The following IL6ST variants were observed in gnomAD, a reference collection of about 807,000 sequenced individuals.
The protein encoded by IL6ST is interleukin-6 receptor subunit beta.
In IL6ST, 24 loss-of-function variants were observed where a neutral mutation model predicts 91.3. The observed-to-expected ratio is 0.26, with a 90% CI of 0.19 to 0.37. The LOEUF (loss-of-function observed/expected upper bound fraction) is 0.37. IL6ST is among the 10% of genes least tolerant of loss of function. IL6ST has a pLI of 1.00. For synonymous variants in IL6ST, 351 were observed against 373.6 expected, an observed-to-expected ratio of 0.94 and a Z score of 0.70; for missense variants, 914 against 1,078.5, an observed-to-expected ratio of 0.85 and a Z score of 2.14.
chr5:55,949,596 TTTTAAG>T (rs1262503813), intron 14 of IL6ST, among the ~76,000 whole-genome samples: 1 of 152,098 alleles, frequency 6.6e-6, no homozygotes, highest in Non-Finnish European at 1.5e-5. Flanking sequence ...AAATATACAT[TTTTAAG>T]TTTATTTTTT....
rs527538583 is a variant in IL6ST, at chr5:55,935,888, C to T, written c.*5194G>A. The T allele has an allele frequency of 6.9e-5, 15 of 218,768 alleles. No individual in the cohort carries two copies. The South Asian group carries it at 2.8e-3, about 40-fold the overall frequency. The allele number at this position is 218,768 out of a possible 1,614,324, so 13.6% of individuals were successfully genotyped here. A position where few individuals can be genotyped will look rare whatever the true frequency, so the allele number is the denominator to read the frequency against. ...TTTTCCAAAGCAGGATGGACTGTAT[C>T]TATCATACACATTAGGATAAGATGA... On this transcript the variant is annotated 3_prime_UTR_variant, in exon 17 of 17. Coordinates refer to ENST00000381298, the MANE Select transcript of IL6ST (RefSeq NM_002184.4).
chr5:55,947,332 A>G (rs1188555891), intron 15 of IL6ST, among the ~76,000 whole-genome samples, 161 bp downstream of exon 15: 1 of 152,182 alleles, frequency 6.6e-6, no homozygotes, highest in Non-Finnish European at 1.5e-5. Flanking sequence ...TATAAAAGTG[A>G]TGAAAATGTT....
chr5:55,976,608 T>C (rs1753304902), intron 2 of IL6ST, among the ~76,000 whole-genome samples: 2 of 152,206 alleles, frequency 1.3e-5, no homozygotes, highest in Non-Finnish European at 2.9e-5. Flanking sequence ...AATTTCTACA[T>C]GGCAAAACTC....
intron 2 of IL6ST, among the ~76,000 whole-genome samples, chr5:55,982,411 A>C (rs1753722436): frequency 6.6e-6 from 1 of 152,148 alleles, no homozygotes; most frequent in African/African-American, 2.4e-5. Context: ...AGATGAAGAA[A>C]ATTTCTATAT....
chr5:55,944,053 G>A (rs963968363), intron 15 of IL6ST, among the ~76,000 whole-genome samples: 3 of 152,102 alleles, frequency 2.0e-5, no homozygotes, highest in Admixed American at 6.5e-5. Context: ...ACTCCAGCCT[G>A]GGCAACAAGA....
chr5:55,958,949 G>A (rs1752146984), intron 8 of IL6ST, among the ~76,000 whole-genome samples: 1 of 151,572 alleles, frequency 6.6e-6, no homozygotes, highest in South Asian at 2.1e-4. Context: ...CTGGGAAAAA[G>A]GCTGCTGGTA....
At position 55,982,803 on chromosome 5, in the gene IL6ST, T is replaced by G; in HGVS notation, c.-95A>C. 1 of 398,322 alleles carries G rather than the reference T, an allele frequency of 2.5e-6. No individual in the cohort carries two copies. Among genetic ancestry groups the G allele is most frequent in the Non-Finnish European group, 4.4e-6 (1 of 225,922 alleles). 24.7% of individuals were successfully genotyped at this position (398,322 alleles called of 1,614,324 possible). ...CTTCTAAATGTCATGCTTTTTCCAT[T>G]GGGTTTCACTGTAAAGAGAGGAGAG... On this transcript the variant is annotated 5_prime_UTR_variant, in exon 2 of 17. Coordinates refer to ENST00000381298, the MANE Select transcript of IL6ST (RefSeq NM_002184.4).
intron 2 of IL6ST, 107 bp from the exon 3 acceptor site, chr5:55,976,400 TA>T (rs1415400671): frequency 2.0e-6 from 1 of 501,516 alleles, no homozygotes; most frequent in Non-Finnish European, 3.4e-6. Context: ...TAAAAGGTGG[TA>T]AAATTCTTAT....
chr5:55,981,886 G>C (rs545513399), intron 2 of IL6ST, among the ~76,000 whole-genome samples: 5 of 152,098 alleles, frequency 3.3e-5, no homozygotes, highest in Non-Finnish European at 5.9e-5. Context: ...ATAAATACAG[G>C]AAAGATTATT....
Position 55,969,863 on chromosome 5 carries a change from G to A in IL6ST, c.65-8C>T. 1 of 1,558,092 alleles carries A rather than the reference G, an allele frequency of 6.4e-7. No individual in the cohort carries two copies. Among genetic ancestry groups the A allele is most frequent in the Non-Finnish European group, 8.8e-7 (1 of 1,142,086 alleles). On this transcript the variant is annotated splice_polypyrimidine_tract_variant and splice_region_variant and intron_variant, in intron 3 of 16. Transcript: ENST00000381298. ...ATGGATCTAGAAGTTCACCTAAAAA[G>A]GAACAATAGAAAATATATAAATGGA...
intron 15 of IL6ST, among the ~76,000 whole-genome samples, chr5:55,945,508 T>C (rs975540794): frequency 1.3e-5 from 2 of 152,106 alleles, no homozygotes; most frequent in African/African-American, 2.4e-5. Flanking sequence ...AAATGGATCA[T>C]AGACTAAGAG....
rs71602925 is a variant in IL6ST, at chr5:55,947,592, T to TAAAAAAAA, written c.1841-11_1841-4dup. ...TATGGCTTCAATTTCTCCTTGAGCT[T>TAAAAAAAA]AAAAAAAAAAAAAAAAAAAAAAAAA... On this transcript the variant is annotated splice_polypyrimidine_tract_variant and splice_region_variant and intron_variant, in intron 14 of 16. Coordinates refer to ENST00000381298, the MANE Select transcript of IL6ST (RefSeq NM_002184.4). 75 of 392,190 alleles carry TAAAAAAAA rather than the reference T, an allele frequency of 1.9e-4. No individual in the cohort carries two copies. Among genetic ancestry groups the TAAAAAAAA allele is most frequent in the South Asian group, 2.9e-4 (8 of 27,638 alleles). The allele number at this position is 392,190 out of a possible 1,614,324, so 24.3% of individuals were successfully genotyped here.
intron 6 of IL6ST, among the ~76,000 whole-genome samples, 175 bp downstream of exon 6, chr5:55,963,967 CATTA>C (rs1423911851): frequency 6.6e-5 from 10 of 151,932 alleles, no homozygotes; most frequent in African/African-American, 2.4e-4. Flanking sequence ...CTTGTTTCTA[CATTA>C]ATTAAAATCT....
chr5:55,965,321 C>G (rs756360133), intron 5 of IL6ST, among the ~76,000 whole-genome samples: 3 of 152,050 alleles, frequency 2.0e-5, no homozygotes, highest in Non-Finnish European at 4.4e-5. Flanking sequence ...TTGTTGTCAA[C>G]TATGTTTTTC....
intron 1 of IL6ST, among the ~76,000 whole-genome samples, chr5:55,989,491 T>C (rs1311865016): frequency 6.6e-6 from 1 of 152,162 alleles, no homozygotes; most frequent in Admixed American, 6.5e-5. Flanking sequence ...TATAAGCATA[T>C]TGAAAAACAC....
rs994054491 is a variant in IL6ST, at chr5:55,973,664, T to C, written c.64+2551A>G. ...CCAGACATTGTACAGCAAAGATGAA[T>C]ACGTCTGATTGTGCCTGCCTATCTA... is the stretch of plus-strand genomic sequence containing the variant. On this transcript the variant is annotated intron_variant, in intron 3 of 16. Coordinates refer to ENST00000381298, the MANE Select transcript of IL6ST (RefSeq NM_002184.4). 5.6e-4 allele frequency among the ~76,000 whole-genome samples: 86 copies of C among 152,326 alleles called. 1 individual carries two copies. Among genetic ancestry groups the C allele is most frequent in the Admixed American group, 1.6e-3 (24 of 15,304 alleles).
In IL6ST at chr5:55,940,152, T is replaced by TATAC. The variant is rs1561147926; in HGVS notation, c.*929_*930insGTAT. On this transcript the variant is annotated 3_prime_UTR_variant, in exon 17 of 17. Coordinates refer to ENST00000381298, the MANE Select transcript of IL6ST (RefSeq NM_002184.4). ...GTGTGTGTATATATATATATATATA[T>TATAC]ACACACATTAGCAATTTAAGCCTTT... 8.6e-4 allele frequency: 172 copies of TATAC among 200,414 alleles called. No individual in the cohort carries two copies. Among genetic ancestry groups the TATAC allele is most frequent in the African/African-American group, 2.2e-3 (94 of 43,014 alleles). 12.4% of individuals were successfully genotyped at this position (200,414 alleles called of 1,614,324 possible).
chr5:55,967,648 T>C (rs544055274), intron 5 of IL6ST, among the ~76,000 whole-genome samples: 1 of 152,182 alleles, frequency 6.6e-6, no homozygotes, highest in East Asian at 1.9e-4. Context: ...TGAAATATCT[T>C]TGGATGAAAT....
intron 1 of IL6ST, among the ~76,000 whole-genome samples, chr5:55,993,786 G>T: frequency 6.6e-6 from 1 of 152,002 alleles, no homozygotes; most frequent in East Asian, 1.9e-4. Context: ...TTCCAAATAG[G>T]AATTAACATG....
Sources: gnomAD v4.1 joint callset for allele counts (sites outside exome capture counted in the v4.1 genomes callset) on GRCh38, gnomAD v4.1.1 for gene constraint, MANE v1.5 for transcripts, NCBI Gene and HGNC (gene_info 2026-07-23, HGNC 2026-07-21) for gene names.